CD163L1: variants seen among roughly 807,000 people sequenced by gnomAD.
The protein encoded by CD163L1 is CD163 molecule like 1.
A neutral mutation model predicts 165.4 loss-of-function variants in CD163L1; 124 were observed. The ratio of observed to expected loss-of-function variants is 0.75; its 90% CI spans 0.65 to 0.87. CD163L1 has a LOEUF of 0.87. CD163L1 is among the 40% of genes least tolerant of loss of function. CD163L1 has a pLI of 0.00. For missense variants in CD163L1, 1,525 were observed against 1,799.9 expected, an observed-to-expected ratio of 0.85 and a Z score of 2.76; for synonymous variants, 585 against 662.2, an observed-to-expected ratio of 0.88 and a Z score of 1.79.
chr12:7,350,871 G>T (rs1327452524), downstream of CD163L1, among the ~76,000 whole-genome samples: 1 of 152,002 alleles, frequency 6.6e-6, no homozygotes, highest in Non-Finnish European at 1.5e-5. Flanking sequence ...CTCCTGAGCT[G>T]CAGATTATCA....
At chr12:7,377,427 T>G (rs1947292595) in intron 9 of CD163L1, among the ~76,000 whole-genome samples, 1 of 152,192 alleles carries the variant, frequency 6.6e-6, no homozygotes, top group African/African-American at 2.4e-5. Flanking sequence ...CTCTAGAATC[T>G]CCTATCAATA....
At chr12:7,423,945 T>C (rs1210558358) in intron 4 of CD163L1, among the ~76,000 whole-genome samples, 2 of 151,514 alleles carry the variant, frequency 1.3e-5, no homozygotes, top group Non-Finnish European at 2.9e-5. Context: ...TTACAAACAA[T>C]AGAAAAAAAG....
At chr12:7,405,171 T>C (rs1947992807) in intron 5 of CD163L1, among the ~76,000 whole-genome samples, 1 of 152,160 alleles carries the variant, frequency 6.6e-6, no homozygotes, top group South Asian at 2.1e-4. Context: ...AGAGTTTGAA[T>C]AGCAACTGGT....
chr12:7,403,988 G>A, intron 5 of CD163L1, 133 bp from the exon 6 acceptor site: 4 of 531,328 alleles, frequency 7.5e-6, no homozygotes, highest in Non-Finnish European at 1.2e-5. Context: ...ACTAAAGACT[G>A]GAAATCATTT....
the CD163L1 span, among the ~76,000 whole-genome samples, chr12:7,333,478 C>A: frequency 2.6e-5 from 4 of 152,230 alleles, no homozygotes; most frequent in East Asian, 5.8e-4. Context: ...ATCTCTGGGA[C>A]ACATTTAAAG....
intron 9 of CD163L1, among the ~76,000 whole-genome samples, chr12:7,377,269 C>T (rs1393288978): frequency 6.6e-6 from 1 of 152,146 alleles, no homozygotes; most frequent in East Asian, 1.9e-4. Context: ...TAAGGCCTAC[C>T]CCAGTCATTT....
chr12:7,436,691 C>A (rs1948718293), intron 2 of CD163L1, among the ~76,000 whole-genome samples: 1 of 142,340 alleles, frequency 7.0e-6, no homozygotes, highest in Non-Finnish European at 1.6e-5. Flanking sequence ...AACTCCGTCT[C>A]TTTAAAAAAA....
intron 8 of CD163L1, among the ~76,000 whole-genome samples, chr12:7,380,369 A>ACATACATGTATGTGTGTATACGCGTATG (rs1364434453): frequency 6.8e-6 from 1 of 146,788 alleles, no homozygotes; most frequent in Non-Finnish European, 1.5e-5. Context: ...ATACGCGTAT[A>ACATACATGTATGTGTGTATACGCGTATG]CATACATGTA....
Position 7,405,090 on chromosome 12 carries a change from T to C in CD163L1, c.1088-1235A>G, listed in dbSNP as rs756808604. ...CACTGTTGGGACGGTTTTCCAACCT[T>C]ATTTTCACATCTGCATCATTCTTCA... On this transcript the variant is annotated intron_variant, in intron 5 of 19. Coordinates refer to ENST00000313599, the MANE Select transcript of CD163L1 (RefSeq NM_174941.6). 2.6e-5 allele frequency among the ~76,000 whole-genome samples: 4 copies of C among 152,286 alleles called. No homozygotes were observed. In the East Asian group the frequency reaches 7.7e-4, roughly 29 times the overall value.
chr12:7,319,709 G>A, the CD163L1 span, among the ~76,000 whole-genome samples: 666 of 152,112 alleles, frequency 4.4e-3, 3 homozygotes, highest in Non-Finnish European at 7.1e-3. Flanking sequence ...TCTGTCCTTT[G>A]GGTTGGGGAT....
At chr12:7,387,379 G>T (rs1023811970) in intron 8 of CD163L1, among the ~76,000 whole-genome samples, 1 of 152,202 alleles carries the variant, frequency 6.6e-6, no homozygotes, top group African/African-American at 2.4e-5. Flanking sequence ...TTGATTGGAA[G>T]AATTAATATT....
At chr12:7,376,719 C>T (rs976746745) in intron 9 of CD163L1, among the ~76,000 whole-genome samples, 2 of 152,132 alleles carry the variant, frequency 1.3e-5, no homozygotes, top group African/African-American at 2.4e-5. Context: ...TACTATATCT[C>T]GCCTTTCAGA....
At chr12:7,424,412 T>C (rs1948502511) in intron 4 of CD163L1, among the ~76,000 whole-genome samples, 1 of 152,160 alleles carries the variant, frequency 6.6e-6, no homozygotes, top group South Asian at 2.1e-4. Context: ...AAGCATCCCC[T>C]TTGAAAACCA....
At position 7,396,015 on chromosome 12, in the gene CD163L1, T is replaced by C. The variant is rs979246572; in HGVS notation, c.2050+80A>G. On this transcript the variant is annotated intron_variant, in intron 8 of 19. Coordinates refer to ENST00000313599, the MANE Select transcript of CD163L1 (RefSeq NM_174941.6). ...TGAGCAATGAGCACTCGGTCATAAA[T>C]GTACTGACTAAGAAGAAAGAAGGTA... 17 of 1,147,558 alleles carry C rather than the reference T, an allele frequency of 1.5e-5. No individual in the cohort carries two copies. The African/African-American group carries it at 2.6e-4, about 18-fold the overall frequency. 71.1% of individuals were successfully genotyped at this position (1,147,558 alleles called of 1,614,324 possible).
At chr12:7,358,374 A>C (rs1946823069) in intron 18 of CD163L1, among the ~76,000 whole-genome samples, 1 of 152,120 alleles carries the variant, frequency 6.6e-6, no homozygotes, top group East Asian at 1.9e-4. Flanking sequence ...AGGAGGGGAA[A>C]GTAGTCATTT....
chr12:7,426,361 T>A (rs767130397), intron 4 of CD163L1, among the ~76,000 whole-genome samples: 1 of 152,030 alleles, frequency 6.6e-6, no homozygotes, highest in Non-Finnish European at 1.5e-5. Flanking sequence ...AAAACCTAGA[T>A]GACAGGTTGA....
At position 7,373,300 on chromosome 12, in the gene CD163L1, G is replaced by T. The variant is rs752511808; in HGVS notation, c.3730+20C>A. The T allele has an allele frequency of 1.9e-6, 3 of 1,572,532 alleles. No homozygotes were observed. The South Asian group carries it at 3.5e-5, about 18-fold the overall frequency. ...TTTCACAGGGCTTCAGTGACAGCTG[G>T]TGTTTAGAAAGATACCCACCTTCAC... On this transcript the variant is annotated intron_variant, in intron 14 of 19. Coordinates refer to ENST00000313599, the MANE Select transcript of CD163L1 (RefSeq NM_174941.6).
Position 7,379,216 on chromosome 12 carries a change from C to A in CD163L1, c.2133G>T (p.Val711=). 1 of 1,614,154 alleles carries A rather than the reference C, an allele frequency of 6.2e-7. No individual in the cohort carries two copies. The highest frequency in any genetic ancestry group is 1.3e-5 in the African/African-American group (1 of 75,034). The change falls in exon 9 of 20, where the codon GTG becomes GTT. Residue 711 remains valine (V), a synonymous_variant. Coordinates refer to ENST00000313599, the MANE Select transcript of CD163L1 (RefSeq NM_174941.6). ...CCCAGCCATTAGCACACAGAATTCC[C>A]ACGGCACCCTGGACATTCACCTCAA... ...GKVEVNVQGA[V]GILCANGWGM... is the part of the protein sequence containing the mutation.
intron 17 of CD163L1, among the ~76,000 whole-genome samples, 189 bp downstream of exon 17, chr12:7,367,898 G>A (rs1251690016): frequency 1.3e-5 from 2 of 152,182 alleles, no homozygotes; most frequent in African/African-American, 4.8e-5. Flanking sequence ...GATTACATTT[G>A]TGTAAATGGA....
Sources: gnomAD v4.1 joint callset for allele counts (sites outside exome capture counted in the v4.1 genomes callset) on GRCh38, gnomAD v4.1.1 for gene constraint, MANE v1.5 for transcripts, NCBI Gene and HGNC (gene_info 2026-07-23, HGNC 2026-07-21) for gene names.